Variants in EPS15 observed in about 807,000 individuals in gnomAD.
The protein encoded by EPS15 is epidermal growth factor receptor pathway substrate 15.
A neutral mutation model predicts 113.8 loss-of-function variants in EPS15; 72 were observed. The observed-to-expected ratio is 0.63, with a 90% CI of 0.52 to 0.77. EPS15 has a LOEUF of 0.77. EPS15 is among the 30% of genes least tolerant of loss of function. EPS15 has a pLI of 0.00. For synonymous variants in EPS15, 344 were observed against 363.4 expected (o/e 0.95, Z 0.61); for missense variants, 1,048 against 1,045.8 (o/e 1.00, Z -0.03).
chr1:51,492,447 A>G (rs945061005), intron 1 of EPS15, among the ~76,000 whole-genome samples: 1 of 152,234 alleles, frequency 6.6e-6, no homozygotes, highest in African/African-American at 2.4e-5. Flanking sequence ...ACTTCTTTCA[A>G]AAATGAAAGA....
intron 1 of EPS15, 21 bp downstream of exon 1, chr1:51,519,178 C>A (rs1280507182): frequency 1.4e-6 from 2 of 1,429,234 alleles, no homozygotes; most frequent in Admixed American, 2.6e-5. Context: ...CCAAGCCCGG[C>A]GGACGGGCGT....
rs771172348 is a variant in EPS15, at chr1:51,446,943, T to C, written c.797+17A>G. The C allele has an allele frequency of 5.8e-6, 9 of 1,563,760 alleles. No homozygotes were observed. The highest frequency in any genetic ancestry group is 7.8e-6 in the Non-Finnish European group (9 of 1,158,026). Reference sequence around the variant, plus strand: ...CAAAACCATATTTTTAAAAAATCAATTCAAATAAAGTCTTACCATATATGG... The same window carrying C: ...CAAAACCATATTTTTAAAAAATCAACTCAAATAAAGTCTTACCATATATGG... On this transcript the variant is annotated intron_variant, in intron 10 of 24. Transcript: ENST00000371733.
At position 51,474,202 on chromosome 1, in the gene EPS15, A is replaced by G. The variant is rs1426298265; in HGVS notation, c.76-1254T>C. Among the ~76,000 whole-genome samples, 3 of 152,380 alleles carry G rather than the reference A, an allele frequency of 2.0e-5. No homozygotes were observed. In the East Asian group the frequency reaches 5.8e-4, roughly 29 times the overall value. ...TTCTGAGGTATTCTGCTGCTTGCCT[A>G]AAGGCTCTGCCATAGGCAAAGCCAG... On this transcript the variant is annotated intron_variant, in intron 2 of 24. Coordinates refer to ENST00000371733, the MANE Select transcript of EPS15 (RefSeq NM_001981.3).
At chr1:51,477,145 C>A (rs1185702150) in intron 2 of EPS15, among the ~76,000 whole-genome samples, 1 of 152,034 alleles carries the variant, frequency 6.6e-6, no homozygotes, top group East Asian at 1.9e-4. Context: ...TGTTATTGGT[C>A]TATTCAGAGA....
At chr1:51,414,002 G>A (rs182518368) in intron 13 of EPS15, among the ~76,000 whole-genome samples, 3 of 152,034 alleles carry the variant, frequency 2.0e-5, no homozygotes, top group Admixed American at 6.6e-5. Context: ...TGCCCGCCTC[G>A]GCCTCCCAAA....
At chr1:51,367,540 G>A (rs1426665625) in intron 21 of EPS15, among the ~76,000 whole-genome samples, 3 of 151,094 alleles carry the variant, frequency 2.0e-5, no homozygotes, top group Admixed American at 6.6e-5. Flanking sequence ...GCGACAGAGC[G>A]TGTCTGTCTC....
intron 17 of EPS15, 26 bp from the exon 18 acceptor site, chr1:51,402,551 A>AT: frequency 8.0e-7 from 1 of 1,243,908 alleles, no homozygotes; most frequent in South Asian, 1.4e-5. Context: ...AATTAAAATT[A>AT]TTTTTTAGAA....
At chr1:51,503,473 C>G (rs1222134715) in intron 1 of EPS15, among the ~76,000 whole-genome samples, 2 of 152,082 alleles carry the variant, frequency 1.3e-5, no homozygotes, top group African/African-American at 4.8e-5. Flanking sequence ...TACTAAACAT[C>G]TCTACTAAAA....
At chr1:51,361,063 G>T in intron 24 of EPS15, 108 bp downstream of exon 24, 1 of 800,846 alleles carries the variant, frequency 1.2e-6, no homozygotes, top group Non-Finnish European at 2.0e-6. Context: ...ATCATTTTTA[G>T]TATCTTGGTA....
intron 14 of EPS15, 74 bp downstream of exon 14, chr1:51,409,461 A>C: frequency 7.2e-7 from 1 of 1,392,626 alleles, no homozygotes; most frequent in Non-Finnish European, 9.8e-7. Flanking sequence ...CAAAAAGTAG[A>C]GAATGTTTTC....
intron 1 of EPS15, among the ~76,000 whole-genome samples, chr1:51,490,114 G>A (rs938342112): frequency 6.6e-6 from 1 of 152,192 alleles, no homozygotes; most frequent in African/African-American, 2.4e-5. Context: ...ATAATTAAAT[G>A]TCAAGAATTG....
Position 51,504,877 on chromosome 1 carries a change from T to C in EPS15, c.33+14322A>G, listed in dbSNP as rs115591526. On this transcript the variant is annotated intron_variant, in intron 1 of 24. Coordinates refer to ENST00000371733, the MANE Select transcript of EPS15 (RefSeq NM_001981.3). ...GGCTCACACCTATAATCCCAGTGCT[T>C]TGGGCGGCCGAAGCGGGTGGATCAC... 2.6e-3 allele frequency among the ~76,000 whole-genome samples: 398 copies of C among 152,242 alleles called. 2 individuals carry two copies. The highest frequency in any genetic ancestry group is 5.8e-3 in the Admixed American group (89 of 15,274).
In EPS15 at chr1:51,492,263, T is replaced by G. The variant is rs572913288; in HGVS notation, c.34-10949A>C. ...GGCTCCTGCCTTCAAGGGCTTAAAT[T>G]CTAGTAAAAATTGTAATGCTACCTT... On this transcript the variant is annotated intron_variant, in intron 1 of 24. Coordinates refer to ENST00000371733, the MANE Select transcript of EPS15 (RefSeq NM_001981.3). Among the ~76,000 whole-genome samples, 3 of 152,288 alleles carry G rather than the reference T, an allele frequency of 2.0e-5. No individual in the cohort carries two copies. In the East Asian group the frequency reaches 5.8e-4, roughly 29 times the overall value.
chr1:51,398,396 A>G (rs752336676), intron 20 of EPS15, among the ~76,000 whole-genome samples: 6 of 152,212 alleles, frequency 3.9e-5, no homozygotes, highest in African/African-American at 1.4e-4. Flanking sequence ...GCAACTAGCT[A>G]TAGGACCTTA....
At chr1:51,385,373 A>C (rs1194258978) in intron 21 of EPS15, among the ~76,000 whole-genome samples, 1 of 152,204 alleles carries the variant, frequency 6.6e-6, no homozygotes, top group Non-Finnish European at 1.5e-5. Context: ...ATACCACTTC[A>C]CACCCATTAG....
intron 12 of EPS15, among the ~76,000 whole-genome samples, chr1:51,430,222 C>G (rs1332483520): frequency 6.6e-6 from 1 of 152,062 alleles, no homozygotes; most frequent in African/African-American, 2.4e-5. Context: ...ATGAGAAAGT[C>G]TTCGTTTTTA....
At position 51,448,094 on chromosome 1, in the gene EPS15, C is replaced by A. The variant is rs116386363; in HGVS notation, c.603G>T (p.Val201=). The A allele has an allele frequency of 4.1e-3, 6,644 of 1,613,682 alleles. 26 individuals carry two copies. The highest frequency in any genetic ancestry group is 0.013 in the Middle Eastern group (81 of 6,058). The change falls in exon 9 of 25, where the codon GTG becomes GTT. Residue 201 remains valine (V), a synonymous_variant. Coordinates refer to ENST00000371733, the MANE Select transcript of EPS15 (RefSeq NM_001981.3). ...LVYCALEKEP[V]PMSLPPALVP... The stretch of plus-strand genomic sequence containing the variant: ...CCAAGGCTGGAGGCAAGGACATTGG[C>A]ACAGGTTCTTTCTCCAGTGCACAGT...
chr1:51,371,511 TA>T (rs1388516313), intron 21 of EPS15, among the ~76,000 whole-genome samples: 162 of 128,340 alleles, frequency 1.3e-3, no homozygotes, highest in African/African-American at 1.9e-3. Context: ...GTTTAAAAGT[TA>T]AAAAAAAAAA....
intron 7 of EPS15, among the ~76,000 whole-genome samples, chr1:51,462,287 C>T (rs562729357): frequency 5.3e-5 from 8 of 151,464 alleles, no homozygotes; most frequent in African/African-American, 1.5e-4. Context: ...TGCTTGAACC[C>T]GGGAGGCAGA....
Sources: gnomAD v4.1 joint callset for allele counts (sites outside exome capture counted in the v4.1 genomes callset) on GRCh38, gnomAD v4.1.1 for gene constraint, MANE v1.5 for transcripts, NCBI Gene and HGNC (gene_info 2026-07-23, HGNC 2026-07-21) for gene names.